Variants in C3orf20 observed in about 807,000 individuals in gnomAD.
C3orf20 encodes family with sequence similarity 149 member C.
Under a neutral mutation model 88.3 loss-of-function variants are expected in C3orf20, and 76 were observed. That is an observed-to-expected ratio of 0.86 (90% confidence interval 0.72 to 1.04). The LOEUF is 1.04. Ranked by LOEUF, C3orf20 falls within the 50% of genes least tolerant of loss-of-function variation. The probability of loss-of-function intolerance (pLI) is 0.00; values close to 1 mark genes in which losing one functional copy is unlikely to be tolerated. For synonymous variants in C3orf20, 436 were observed against 437.4 expected (o/e 1.00, Z 0.04); for missense variants, 1,056 against 1,123.3 (o/e 0.94, Z 0.86).
intron 5 of C3orf20, among the ~76,000 whole-genome samples, chr3:14,694,647 T>C (rs1365291697): frequency 6.6e-6 from 1 of 152,202 alleles, no homozygotes; most frequent in African/African-American, 2.4e-5. Context: ...CTTTTGTTTT[T>C]ATTGATCTCT....
At chr3:14,713,135 A>G (rs2033813605) in intron 7 of C3orf20, among the ~76,000 whole-genome samples, 1 of 152,164 alleles carries the variant, frequency 6.6e-6, no homozygotes, top group South Asian at 2.1e-4. Flanking sequence ...CAATGAGAAT[A>G]TCTTTGAATT....
intron 12 of C3orf20, among the ~76,000 whole-genome samples, chr3:14,736,666 A>G (rs982481754): frequency 3.3e-5 from 5 of 151,260 alleles, no homozygotes; most frequent in African/African-American, 1.2e-4. Flanking sequence ...TCCCAGGTTC[A>G]AGTGATTCTC....
chr3:14,757,633 T>G lies in C3orf20; in HGVS notation c.2203T>G (p.Tyr735Asp). 1 of 1,612,494 alleles carries G rather than the reference T, an allele frequency of 6.2e-7. No homozygotes were observed. Among genetic ancestry groups the G allele is most frequent in the Non-Finnish European group, 8.5e-7 (1 of 1,178,932 alleles). The change falls in exon 13 of 17, where the codon TAC becomes GAC. Residue 735 changes from tyrosine (Y) to aspartate (D), a missense_variant. Physicochemically the swap from Tyr to Asp is radical, Grantham distance 160. Coordinates refer to ENST00000253697, the MANE Select transcript of C3orf20 (RefSeq NM_032137.5). ...GCTCCAGTGGCTGCTGAACACTCTC[T>G]ACAACCACCAGCAGCGGGGCCGTGG... ...GQLQWLLNTL[Y>D]NHQQRGRGSP...
At position 14,717,678 on chromosome 3, in the gene C3orf20, C is replaced by T. The variant is rs137984362; in HGVS notation, c.1434+2269C>T. 3.5e-4 allele frequency among the ~76,000 whole-genome samples: 53 copies of T among 152,248 alleles called. 1 individual carries two copies. Among genetic ancestry groups the T allele is most frequent in the South Asian group, 3.3e-3 (16 of 4,818 alleles). ...TATTTCCAGTGTTCTTCATTACTCT[C>T]TGAAGATCCAAGTTTCCCTCTGGTA... On this transcript the variant is annotated intron_variant, in intron 9 of 16. Transcript: ENST00000253697.
intron 15 of C3orf20, among the ~76,000 whole-genome samples, chr3:14,770,611 G>A (rs7651825): frequency 0.32 from 47,998 of 151,854 alleles, 9,200 homozygotes; most frequent in Non-Finnish European, 0.44. Context: ...GCTACCTCAA[G>A]CCCCCTCCCC....
intron 5 of C3orf20, among the ~76,000 whole-genome samples, chr3:14,698,531 G>T (rs1238727616): frequency 2.0e-5 from 3 of 152,218 alleles, no homozygotes; most frequent in East Asian, 1.9e-4. Flanking sequence ...ACTCAGAGAG[G>T]TACTGCCTTG....
intron 4 of C3orf20, 73 bp from the exon 5 acceptor site, chr3:14,689,924 C>T (rs2032632463): frequency 6.3e-7 from 1 of 1,596,896 alleles, no homozygotes; most frequent in East Asian, 2.2e-5. Flanking sequence ...AACAAGAAAT[C>T]CATGTTACAT....
intron 3 of C3orf20, among the ~76,000 whole-genome samples, chr3:14,683,559 G>A (rs916388524): frequency 1.3e-5 from 2 of 152,056 alleles, no homozygotes; most frequent in African/African-American, 2.4e-5. Flanking sequence ...GCCCAGTAGA[G>A]CCAGAACAAG....
chr3:14,709,407 A>G (rs7614045), intron 7 of C3orf20, among the ~76,000 whole-genome samples: 98,883 of 152,004 alleles, frequency 0.65, 32,206 homozygotes, highest in East Asian at 0.68. Context: ...ACAATTTTGA[A>G]TAGAAGTGGT....
intron 12 of C3orf20, among the ~76,000 whole-genome samples, chr3:14,752,682 T>A (rs933220587): frequency 6.6e-6 from 1 of 152,136 alleles, no homozygotes; most frequent in African/African-American, 2.4e-5. Flanking sequence ...GCAAAGGATA[T>A]GAACAGACAC....
At chr3:14,716,604 T>C (rs927064069) in intron 9 of C3orf20, among the ~76,000 whole-genome samples, 1 of 152,184 alleles carries the variant, frequency 6.6e-6, no homozygotes, top group African/African-American at 2.4e-5. Context: ...TGGCCTGAAA[T>C]GCACCCCCTC....
intron 12 of C3orf20, among the ~76,000 whole-genome samples, chr3:14,732,494 A>G (rs984925562): frequency 1.3e-5 from 2 of 152,246 alleles, no homozygotes; most frequent in Non-Finnish European, 2.9e-5. Flanking sequence ...TAATTGAAAT[A>G]GGTTTTTTCT....
chr3:14,757,008 G>A (rs1175961369), intron 12 of C3orf20, among the ~76,000 whole-genome samples: 2 of 152,194 alleles, frequency 1.3e-5, no homozygotes, highest in African/African-American at 4.8e-5. Context: ...CACATCCGTG[G>A]GGGTGGAGGG....
chr3:14,723,048 G>C (rs759433976), intron 10 of C3orf20, among the ~76,000 whole-genome samples: 82 of 152,362 alleles, frequency 5.4e-4, no homozygotes, highest in Non-Finnish European at 1.0e-3. Flanking sequence ...ACACTTCCCA[G>C]TTTGCCCAGA....
intron 8 of C3orf20, among the ~76,000 whole-genome samples, chr3:14,714,384 C>G (rs2033867506): frequency 6.6e-6 from 1 of 152,104 alleles, no homozygotes; most frequent in Non-Finnish European, 1.5e-5. Context: ...AAGAAGGACA[C>G]CTTCCCAAGT....
Position 14,683,151 on chromosome 3 carries a change from G to T in C3orf20, c.438G>T (p.Thr146=), listed in dbSNP as rs114960115. 7 of 1,612,146 alleles carry T rather than the reference G, an allele frequency of 4.3e-6. No homozygotes were observed. The East Asian group carries it at 1.6e-4, about 36-fold the overall frequency. The part of the protein sequence containing the change: ...RFQQQSIHLL[T]ELLRLKMKAM... Reference sequence around the variant, plus strand: ...AGCAGCAGTCCATCCACCTGCTGACGGAGCTCCTCAGACTGAAGATGAAGG... The same window carrying T: ...AGCAGCAGTCCATCCACCTGCTGACTGAGCTCCTCAGACTGAAGATGAAGG... Residue 146 remains threonine (T), a synonymous_variant, in exon 3 of 17, where the codon ACG becomes ACT. Transcript: ENST00000253697.
chr3:14,750,352 C>T (rs567041208), intron 12 of C3orf20, among the ~76,000 whole-genome samples: 2 of 152,202 alleles, frequency 1.3e-5, no homozygotes, highest in South Asian at 4.1e-4. Flanking sequence ...GAGTTTGAGG[C>T]CAGCCTGGGC....
intron 4 of C3orf20, among the ~76,000 whole-genome samples, chr3:14,685,676 C>T (rs1302726313): frequency 6.6e-6 from 1 of 152,058 alleles, no homozygotes; most frequent in Non-Finnish European, 1.5e-5. Flanking sequence ...CCCCCGCTGC[C>T]ACCCTCCAGT....
intron 8 of C3orf20, 124 bp downstream of exon 8, chr3:14,714,283 A>G: frequency 9.2e-7 from 1 of 1,087,734 alleles, no homozygotes; most frequent in Non-Finnish European, 1.3e-6. Context: ...GAGATCTAGT[A>G]AGGCAGTGAG....
Sources: allele counts gnomAD v4.1 joint callset (sites outside exome capture counted in the v4.1 genomes callset), GRCh38; gene constraint gnomAD v4.1.1; transcripts MANE v1.5; gene names NCBI Gene and HGNC (gene_info 2026-07-23, HGNC 2026-07-21).